Variants in HEATR1 observed in about 807,000 individuals in gnomAD.
The protein encoded by HEATR1 is HEAT repeat containing 1.
HEATR1 carries 77 observed loss-of-function variants against 248.2 expected under a neutral mutation model. The observed-to-expected ratio is 0.31, with a 90% CI of 0.26 to 0.37. The LOEUF (loss-of-function observed/expected upper bound fraction) is 0.37. Ranked by LOEUF, HEATR1 falls within the 10% of genes least tolerant of loss-of-function variation. The probability of loss-of-function intolerance (pLI) is 1.00; values close to 1 mark genes in which losing one functional copy is unlikely to be tolerated. For missense variants in HEATR1, 2,420 were observed against 2,504.9 expected (o/e 0.97, Z 0.72); for synonymous variants, 897 against 923.1 (o/e 0.97, Z 0.51).
Position 236,595,625 on chromosome 1 carries a change from A to T in HEATR1, c.1005T>A (p.His335Gln). Residue 335 changes from histidine (H) to glutamine (Q), a missense_variant, in exon 8 of 45, where the codon CAT becomes CAA. Physicochemically the swap from His to Gln is conservative, Grantham distance 24 (BLOSUM62 0). Coordinates refer to ENST00000366582, the MANE Select transcript of HEATR1 (RefSeq NM_018072.6). ...CNVPDLITIL[H>Q]GISETYDVSP... ...TGACATCGTAAGTTTCAGAAATCCC[A>T]TGAAGTATTGTAATAAGATCAGGAA... 1 of 1,611,206 alleles carries T rather than the reference A, an allele frequency of 6.2e-7. No individual in the cohort carries two copies. Among genetic ancestry groups the T allele is most frequent in the Non-Finnish European group, 8.5e-7 (1 of 1,177,336 alleles).
chr1:236,580,258 T>G (rs1387979067), intron 20 of HEATR1, among the ~76,000 whole-genome samples: 2 of 152,238 alleles, frequency 1.3e-5, no homozygotes, highest in Admixed American at 6.5e-5. Context: ...AACCTGAATA[T>G]GATTTATGCC....
chr1:236,573,476 C>T (rs1485038167), intron 24 of HEATR1, among the ~76,000 whole-genome samples: 1 of 151,890 alleles, frequency 6.6e-6, no homozygotes, highest in East Asian at 1.9e-4. Context: ...ATAAAAAATA[C>T]TTTTGTGATA....
rs186440009 is a variant in HEATR1 at position 236,582,669 on chromosome 1, C to T, written c.2562+67G>A. On this transcript the variant is annotated intron_variant, in intron 19 of 44. Transcript: ENST00000366582. ...CCGCCTGCCTCGGCCTCCCAAAGTG[C>T]TGGGATTGCAGGCCAGCCATATCTT... The T allele has an allele frequency of 7.1e-6, 11 of 1,558,746 alleles. No homozygotes were observed. In the African/African-American group the frequency reaches 1.5e-4, roughly 21 times the overall value.
chr1:236,596,813 C>T (rs1201563525), intron 6 of HEATR1, 23 bp downstream of exon 6: 4 of 1,588,268 alleles, frequency 2.5e-6, no homozygotes, highest in African/African-American at 2.7e-5. Flanking sequence ...AAATAATCTA[C>T]TTAACACATC....
Position 236,604,056 on chromosome 1 carries a change from G to A in HEATR1, c.40C>T (p.Pro14Ser), listed in dbSNP as rs141053386. The A allele has an allele frequency of 1.3e-5, 20 of 1,585,496 alleles. No homozygotes were observed. In the East Asian group the frequency reaches 4.2e-4, roughly 33 times the overall value. ...GATAAGAGGCTGGCATCACTTTGAG[G>A]GAGGGCGAGTCGTTGCAGCTGCTGG... The part of the protein sequence containing the change: ...LAQQLQRLAL[P>S]QSDASLLSRD... Residue 14 changes from proline to serine, a missense_variant, in exon 2 of 45, where the codon CCT becomes TCT. Transcript: ENST00000366582.
At position 236,571,625 on chromosome 1, in the gene HEATR1, T is replaced by A; in HGVS notation, c.3769A>T (p.Ser1257Cys). The A allele has an allele frequency of 1.9e-6, 3 of 1,614,128 alleles. No homozygotes were observed. The highest frequency in any genetic ancestry group is 2.5e-6 in the Non-Finnish European group (3 of 1,179,946). ...TTTTGGCAGATGTTGAGCAGACAAC[T>A]AAGAATTAATTGTTTGGTGTATTCC... is the stretch of plus-strand genomic sequence containing the variant. ...NMEYTKQLILSCLLNICQKLS... is the reference protein window; with the variant it reads ...NMEYTKQLILCCLLNICQKLS... Residue 1257 changes from serine to cysteine, a missense_variant, in exon 27 of 45, where the codon AGT becomes TGT. Transcript: ENST00000366582.
At chr1:236,579,426 T>C (rs1891239) in intron 20 of HEATR1, among the ~76,000 whole-genome samples, 86,304 of 152,114 alleles carry the variant, frequency 0.57, 26,366 homozygotes, top group Non-Finnish European at 0.69. Context: ...AAACATTTAA[T>C]ACCAAATTGG....
chr1:236,550,859 T>A lies in HEATR1; in HGVS notation c.*43A>T. Reference sequence around the variant, plus strand: ...CACCCAAAAATAAAAATATGAAATATGAGTGTGAACTCTGAGTAGAGTATG... The same window carrying A: ...CACCCAAAAATAAAAATATGAAATAAGAGTGTGAACTCTGAGTAGAGTATG... On this transcript the variant is annotated 3_prime_UTR_variant, in exon 45 of 45. Transcript: ENST00000366582. The A allele has an allele frequency of 7.0e-7, 1 of 1,433,400 alleles. No homozygotes were observed. The highest frequency in any genetic ancestry group is 9.5e-7 in the Non-Finnish European group (1 of 1,048,296). The allele number at this position is 1,433,400 out of a possible 1,614,324, so 88.8% of individuals were successfully genotyped here.
At chr1:236,595,385 C>T (rs1254796619) in intron 8 of HEATR1, among the ~76,000 whole-genome samples, 155 bp downstream of exon 8, 1 of 152,148 alleles carries the variant, frequency 6.6e-6, no homozygotes, top group African/African-American at 2.4e-5. Flanking sequence ...CTGCTCCCCA[C>T]CCCAGATGTT....
chr1:236,596,299 A>G (rs1417087023), intron 6 of HEATR1, among the ~76,000 whole-genome samples: 1 of 152,196 alleles, frequency 6.6e-6, no homozygotes, highest in Non-Finnish European at 1.5e-5. Context: ...TCCTGACAGG[A>G]GCCAGTAAGC....
At chr1:236,560,490 GA>G (rs1260191588) in intron 33 of HEATR1, among the ~76,000 whole-genome samples, 1 of 152,180 alleles carries the variant, frequency 6.6e-6, no homozygotes, top group African/African-American at 2.4e-5. Context: ...CACAGCAGAG[GA>G]GGGGAGAAGG....
Position 236,557,188 on chromosome 1 carries a change from G to T in HEATR1, c.5355+7C>A. The T allele has an allele frequency of 6.2e-7, 1 of 1,613,422 alleles. No homozygotes were observed. The highest frequency in any genetic ancestry group is 8.5e-7 in the Non-Finnish European group (1 of 1,179,688). ...CTGCGTAGCATGTCGTGGCTATCGT[G>T]GCTCACCTGGGAGAGAATGCCTTCC... On this transcript the variant is annotated splice_region_variant and intron_variant, in intron 37 of 44. Transcript: ENST00000366582.
chr1:236,586,080 CTA>C, intron 15 of HEATR1, 139 bp from the exon 16 acceptor site: 1 of 1,293,864 alleles, frequency 7.7e-7, no homozygotes, highest in Non-Finnish European at 1.1e-6. Flanking sequence ...CTGAATTTGT[CTA>C]TGAATTGGCT....
chr1:236,573,205 G>A (rs1336832078), intron 24 of HEATR1, among the ~76,000 whole-genome samples: 1 of 152,100 alleles, frequency 6.6e-6, no homozygotes, highest in East Asian at 1.9e-4. Context: ...CCAGTCCAGA[G>A]TCACTCAATT....
chr1:236,561,396 C>A (rs1299061959), intron 32 of HEATR1, 125 bp from the exon 33 acceptor site: 2 of 740,828 alleles, frequency 2.7e-6, no homozygotes, highest in Non-Finnish European at 4.8e-6. Flanking sequence ...TCTGACATTA[C>A]AATTTAATCA....
At chr1:236,603,411 T>C (rs763766693) in intron 2 of HEATR1, 35 bp from the exon 3 acceptor site, 1 of 1,564,986 alleles carries the variant, frequency 6.4e-7, no homozygotes, top group Non-Finnish European at 8.8e-7. Flanking sequence ...ATTTAACAAT[T>C]CTTCGTAAGC....
Position 236,566,784 on chromosome 1 carries a change from G to C in HEATR1, c.4170C>G (p.Val1390=), listed in dbSNP as rs1231973957. The change falls in exon 30 of 45, where the codon GTC becomes GTG. Residue 1390 remains valine (V), a synonymous_variant. Coordinates refer to ENST00000366582, the MANE Select transcript of HEATR1 (RefSeq NM_018072.6). ...ISVFVDALPH[V]PEHRRLPILV... is the part of the protein sequence containing the mutation. ...GGATGGGCAGGCGCCTGTGCTCCGGGACGTGTGGCAGCGCATCCACAAATA... is the reference window on the plus strand; with the variant it reads ...GGATGGGCAGGCGCCTGTGCTCCGGCACGTGTGGCAGCGCATCCACAAATA... The C allele has an allele frequency of 6.8e-6, 11 of 1,613,972 alleles. No individual in the cohort carries two copies. The highest frequency in any genetic ancestry group is 1.3e-5 in the African/African-American group (1 of 74,914).
At chr1:236,586,912 CG>C (rs1477835304) in intron 14 of HEATR1, among the ~76,000 whole-genome samples, 1 of 152,006 alleles carries the variant, frequency 6.6e-6, no homozygotes, top group Non-Finnish European at 1.5e-5. Context: ...TACAAAAACA[CG>C]TAAGACACAC....
intron 32 of HEATR1, among the ~76,000 whole-genome samples, chr1:236,563,372 C>T (rs1663186207): frequency 6.6e-6 from 1 of 152,014 alleles, no homozygotes; most frequent in Non-Finnish European, 1.5e-5. Flanking sequence ...AGCTATGCCT[C>T]CCGGGTTCAC....
Sources: gnomAD v4.1 joint callset for allele counts (sites outside exome capture counted in the v4.1 genomes callset) on GRCh38, gnomAD v4.1.1 for gene constraint, MANE v1.5 for transcripts, NCBI Gene and HGNC (gene_info 2026-07-23, HGNC 2026-07-21) for gene names.